Variants in SASH1 observed in about 807,000 individuals in gnomAD.
SASH1 encodes SAM and SH3 domain-containing protein 1.
SASH1 carries 44 observed loss-of-function variants against 125.2 expected under a neutral mutation model. The ratio of observed to expected loss-of-function variants is 0.35; its 90% CI spans 0.28 to 0.45. The LOEUF is 0.45. Among genes scored for constraint, SASH1 ranks in the 20% least tolerant of loss-of-function variants. The pLI is 1.00. For missense variants in SASH1, 1,426 were observed against 1,614.5 expected (o/e 0.88, Z 2.00); for synonymous variants, 639 against 649.1 (o/e 0.98, Z 0.24).
the SASH1 span, among the ~76,000 whole-genome samples, chr6:148,203,929 A>G: frequency 2.0e-5 from 3 of 152,108 alleles, no homozygotes; most frequent in African/African-American, 7.2e-5. Context: ...TGGCCCTTGT[A>G]CCTTGGGAAC....
At chr6:148,415,382 A>G (rs1401633397) in intron 2 of SASH1, among the ~76,000 whole-genome samples, 1 of 152,196 alleles carries the variant, frequency 6.6e-6, no homozygotes, top group Admixed American at 6.5e-5. Flanking sequence ...TGCTTGACAC[A>G]ACCTGTTCTT....
chr6:148,320,902 T>G (rs1780617706), intron 1 of SASH1, among the ~76,000 whole-genome samples: 1 of 152,234 alleles, frequency 6.6e-6, no homozygotes, highest in Non-Finnish European at 1.5e-5. Context: ...AGCCACCACA[T>G]GGCTGAGTAA....
At chr6:148,325,688 C>T (rs1209817215) in intron 1 of SASH1, among the ~76,000 whole-genome samples, 2 of 152,112 alleles carry the variant, frequency 1.3e-5, no homozygotes, top group African/African-American at 4.8e-5. Flanking sequence ...TCACACGACA[C>T]GTGGGGATTA....
upstream of SASH1, among the ~76,000 whole-genome samples, chr6:148,340,972 T>C (rs548135702): frequency 6.6e-6 from 1 of 152,146 alleles, no homozygotes; most frequent in South Asian, 2.1e-4. Flanking sequence ...CATGTCTCTA[T>C]AAAAAATTTA....
intron 1 of SASH1, among the ~76,000 whole-genome samples, chr6:148,376,337 G>A (rs1227758545): frequency 6.6e-6 from 1 of 152,096 alleles, no homozygotes; most frequent in Non-Finnish European, 1.5e-5. Context: ...CCAAAGTGCT[G>A]GGATTAGAGG....
intron 4 of SASH1, among the ~76,000 whole-genome samples, chr6:148,448,319 C>G (rs948791436): frequency 2.6e-5 from 4 of 152,094 alleles, no homozygotes; most frequent in Non-Finnish European, 5.9e-5. Context: ...AATCTTCTTG[C>G]CGTTCTTCCA....
At chr6:148,327,575 G>T (rs372909176) in intron 1 of SASH1, among the ~76,000 whole-genome samples, 4 of 150,428 alleles carry the variant, frequency 2.7e-5, no homozygotes, top group Non-Finnish European at 4.4e-5. Context: ...GAGCCACTGC[G>T]CCCGGCCAGA....
At chr6:148,417,387 C>T (rs1010270354) in intron 2 of SASH1, among the ~76,000 whole-genome samples, 2 of 152,048 alleles carry the variant, frequency 1.3e-5, no homozygotes, top group Non-Finnish European at 2.9e-5. Flanking sequence ...GAGATTGAGA[C>T]CATCCTGGCC....
chr6:148,323,209 C>T (rs558044845), intron 1 of SASH1, among the ~76,000 whole-genome samples: 45 of 152,130 alleles, frequency 3.0e-4, no homozygotes, highest in Non-Finnish European at 5.4e-4. Context: ...GGAGTTTCGC[C>T]GCATTGGCCA....
chr6:148,434,425 A>G (rs1279286113), intron 2 of SASH1, among the ~76,000 whole-genome samples: 1 of 152,192 alleles, frequency 6.6e-6, no homozygotes, highest in South Asian at 2.1e-4. Context: ...AAAGTAATGC[A>G]AGACTACATG....
chr6:148,316,827 G>A (rs1005382201), intron 1 of SASH1, among the ~76,000 whole-genome samples: 1 of 152,216 alleles, frequency 6.6e-6, no homozygotes, highest in African/African-American at 2.4e-5. Flanking sequence ...TGGTATGTCA[G>A]GGGTTATAGA....
chr6:148,280,273 G>T (rs983433092), intron 1 of SASH1: 1 of 151,304 alleles, frequency 6.6e-6, no homozygotes, highest in Non-Finnish European at 1.5e-5. Flanking sequence ...GCCCTGGAAA[G>T]AGCAGTTACC....
intron 9 of SASH1, among the ~76,000 whole-genome samples, chr6:148,518,073 G>T (rs1219692964): frequency 1.3e-5 from 2 of 152,288 alleles, no homozygotes; most frequent in South Asian, 4.1e-4. Flanking sequence ...ATAACTAGAA[G>T]AGGTTGCCAT....
chr6:148,199,544 A>G, the SASH1 span, among the ~76,000 whole-genome samples: 1 of 152,102 alleles, frequency 6.6e-6, no homozygotes, highest in African/African-American at 2.4e-5. Flanking sequence ...TAAAAAGTTT[A>G]AAAATTAACT....
chr6:148,197,210 C>T, the SASH1 span, among the ~76,000 whole-genome samples: 6 of 152,138 alleles, frequency 3.9e-5, no homozygotes, highest in African/African-American at 1.2e-4. Context: ...ACAGGACCTA[C>T]ACATGAGATG....
chr6:148,355,050 C>T (rs144191151), intron 1 of SASH1, among the ~76,000 whole-genome samples: 1,938 of 152,278 alleles, frequency 0.013, 24 homozygotes, highest in Non-Finnish European at 0.018. Flanking sequence ...TGAGCCACCG[C>T]ACCCGGCCAA....
intron 1 of SASH1, among the ~76,000 whole-genome samples, chr6:148,311,219 G>C (rs1780319711): frequency 6.6e-6 from 1 of 151,674 alleles, no homozygotes; most frequent in Non-Finnish European, 1.5e-5. Context: ...CGATTCTGCT[G>C]CCTCAGCCTC....
intron 7 of SASH1, among the ~76,000 whole-genome samples, chr6:148,487,038 ATATT>A (rs1778895854): frequency 1.3e-5 from 1 of 77,326 alleles, no homozygotes; most frequent in Admixed American, 1.4e-4. Context: ...TTTGTTATAT[ATATT>A]TGTTTTATAT....
At chr6:148,318,091 G>A (rs1582957397) in intron 1 of SASH1, among the ~76,000 whole-genome samples, 1 of 152,110 alleles carries the variant, frequency 6.6e-6, no homozygotes, top group South Asian at 2.1e-4. Flanking sequence ...CACTAGTATC[G>A]TGGCCCTCAG....
Sources: gnomAD v4.1 joint callset for allele counts (sites outside exome capture counted in the v4.1 genomes callset) on GRCh38, gnomAD v4.1.1 for gene constraint, MANE v1.5 for transcripts, NCBI Gene and HGNC (gene_info 2026-07-23, HGNC 2026-07-21) for gene names.